NPHP3: variants seen among roughly 807,000 people sequenced by gnomAD.
NPHP3 encodes the protein nephrocystin-3.
In NPHP3, 123 loss-of-function variants were observed where a neutral mutation model predicts 171.9. That is an observed-to-expected ratio of 0.72 (90% CI 0.62 to 0.83). The LOEUF (loss-of-function observed/expected upper bound fraction) is 0.83. Ranked by LOEUF, NPHP3 falls within the 40% of genes least tolerant of loss-of-function variation. The probability of loss-of-function intolerance (pLI) is 0.00; values close to 1 mark genes in which losing one functional copy is unlikely to be tolerated. For missense variants in NPHP3, 1,506 were observed against 1,591.9 expected (o/e 0.95, Z 0.92); for synonymous variants, 558 against 579.2 (o/e 0.96, Z 0.52).
intron 2 of NPHP3, 58 bp from the exon 3 acceptor site, chr3:132,719,202 T>A: frequency 7.4e-7 from 1 of 1,358,146 alleles, no homozygotes; most frequent in Admixed American, 2.0e-5. Context: ...AGTTGTGTCA[T>A]CAACTTTAAG....
chr3:132,689,983 CT>C (rs1218443715), intron 19 of NPHP3, among the ~76,000 whole-genome samples: 3 of 152,074 alleles, frequency 2.0e-5, no homozygotes, highest in Non-Finnish European at 4.4e-5. Flanking sequence ...CCTCATGAAG[CT>C]TAGTAGGTTA....
chr3:132,689,213 TTG>T lies in NPHP3; in HGVS notation c.2742_2743del (p.Asp914GlufsTer16). ...GAAGTATTCTGTTGCCATTGCACTT[TTG>T]TCTTTGCCAACAAACTGCCAATAAC... On this transcript the variant is annotated frameshift_variant, in exon 20 of 27. Transcript: ENST00000337331. LOFTEE classifies it high-confidence loss of function. 6.2e-7 allele frequency: 1 copy of T among 1,614,204 alleles called. No homozygotes were observed. The highest frequency in any genetic ancestry group is 8.5e-7 in the Non-Finnish European group (1 of 1,179,994).
At chr3:132,704,395 A>G in intron 8 of NPHP3, 24 bp from the exon 9 acceptor site, 2 of 1,613,864 alleles carry the variant, frequency 1.2e-6, no homozygotes, top group Non-Finnish European at 1.7e-6. Flanking sequence ...ACAACCACAC[A>G]AAAATGAATG....
chr3:132,688,652 A>G lies in NPHP3; in HGVS notation c.3123T>C (p.Asn1041=), dbSNP rs979531481. The G allele has an allele frequency of 6.2e-7, 1 of 1,614,040 alleles. No homozygotes were observed. Among genetic ancestry groups the G allele is most frequent in the Admixed American group, 1.7e-5 (1 of 60,020 alleles). The part of the protein sequence containing the change: ...EALATLYQKQ[N]KYEQAEHFRK... ...ATTACTGATCTAAAAAATCTTACTTATTTTGTTTCTGGTACAAAGTTGCAA... is the reference window on the plus strand; with the variant it reads ...ATTACTGATCTAAAAAATCTTACTTGTTTTGTTTCTGGTACAAAGTTGCAA... Residue 1041 remains asparagine, a splice_region_variant and synonymous_variant, in exon 21 of 27, where the codon AAT becomes AAC. Coordinates refer to ENST00000337331, the MANE Select transcript of NPHP3 (RefSeq NM_153240.5).
chr3:132,686,514 GCATCA>G, intron 22 of NPHP3, 127 bp from the exon 23 acceptor site: 1 of 1,006,254 alleles, frequency 9.9e-7, no homozygotes, highest in Non-Finnish European at 1.5e-6. Context: ...ATTATTTTAA[GCATCA>G]CACTAAATTA....
rs781062167 is a variant in NPHP3, at chr3:132,708,070, T to C, written c.1275+31A>G. 27 of 1,610,556 alleles carry C rather than the reference T, an allele frequency of 1.7e-5. No individual in the cohort carries two copies. The East Asian group carries it at 5.6e-4, about 33-fold the overall frequency. ...TGCTCCAGTTTTTCCCTCAGCTAAGTGTGTTTTTCAAAAATGCCTATGAAT... is the reference window on the plus strand; with the variant it reads ...TGCTCCAGTTTTTCCCTCAGCTAAGCGTGTTTTTCAAAAATGCCTATGAAT... On this transcript the variant is annotated intron_variant, in intron 7 of 26. Coordinates refer to ENST00000337331, the MANE Select transcript of NPHP3 (RefSeq NM_153240.5).
At chr3:132,682,264 A>G in intron 26 of NPHP3, 174 bp from the exon 27 acceptor site, 1 of 634,302 alleles carries the variant, frequency 1.6e-6, no homozygotes. Flanking sequence ...TCTCCTTTCT[A>G]CCAGTATCAG....
chr3:132,703,450 T>G (rs1424918829), intron 9 of NPHP3, among the ~76,000 whole-genome samples: 1 of 152,242 alleles, frequency 6.6e-6, no homozygotes, highest in Non-Finnish European at 1.5e-5. Flanking sequence ...TTGATAAGAC[T>G]GATAAAGAAG....
intron 4 of NPHP3, among the ~76,000 whole-genome samples, chr3:132,716,032 T>C (rs951625526): frequency 2.2e-5 from 2 of 93,004 alleles, no homozygotes; most frequent in East Asian, 1.2e-3. Context: ...CCAGGATGGC[T>C]TTGCAGCCCA....
chr3:132,707,291 C>T (rs1939780537), intron 7 of NPHP3, among the ~76,000 whole-genome samples: 1 of 151,924 alleles, frequency 6.6e-6, no homozygotes, highest in Admixed American at 6.6e-5. Context: ...AATAAGTCCC[C>T]ATCTCTATAA....
intron 8 of NPHP3, 74 bp from the exon 9 acceptor site, chr3:132,704,445 A>C: frequency 6.4e-7 from 1 of 1,553,158 alleles, no homozygotes; most frequent in Non-Finnish European, 8.9e-7. Flanking sequence ...CCCAGGCCCA[A>C]AGTGGGCTTC....
rs549199211 is a variant in NPHP3 at position 132,709,359 on chromosome 3, C to G, written c.1119-1102G>C. 4.1e-5 allele frequency among the ~76,000 whole-genome samples: 6 copies of G among 147,728 alleles called. No homozygotes were observed. The East Asian group carries it at 1.2e-3, about 30-fold the overall frequency. On this transcript the variant is annotated intron_variant, in intron 6 of 26. Transcript: ENST00000337331. ...GTGCAGTGGTGCAATCACAGCTCAC[C>G]GCAGCTTTAACCTCCTGGGCTCAAG...
intron 17 of NPHP3, among the ~76,000 whole-genome samples, 168 bp downstream of exon 17, chr3:132,692,486 T>G (rs1467262501): frequency 1.3e-5 from 2 of 152,206 alleles, no homozygotes; most frequent in African/African-American, 4.8e-5. Context: ...CTTAATAAAT[T>G]TTTAAGTGTA....
chr3:132,702,495 A>C (rs1200123072), intron 9 of NPHP3, among the ~76,000 whole-genome samples: 1 of 152,190 alleles, frequency 6.6e-6, no homozygotes, highest in East Asian at 1.9e-4. Flanking sequence ...ACACTCAAAA[A>C]CCAAAATATC....
Position 132,722,401 on chromosome 3 carries a change from C to A in NPHP3, c.-46G>T. On this transcript the variant is annotated 5_prime_UTR_variant, in exon 1 of 27. Transcript: ENST00000337331. ...CCTAGTGAGTACCAGCAGGACTGGG[C>A]AGCGGAACGGAACGGGACGGGGTGG... The A allele has an allele frequency of 1.9e-6, 3 of 1,545,836 alleles. No homozygotes were observed. Among genetic ancestry groups the A allele is most frequent in the Admixed American group, 1.8e-5 (1 of 54,530 alleles).
chr3:132,720,406 T>G (rs1940175302), intron 1 of NPHP3, among the ~76,000 whole-genome samples: 3 of 152,226 alleles, frequency 2.0e-5, no homozygotes. Flanking sequence ...CAACCCTTAT[T>G]GCACTCCGCC....
At chr3:132,714,989 G>GAA in intron 5 of NPHP3, 96 bp downstream of exon 5, 2 of 1,008,724 alleles carry the variant, frequency 2.0e-6, no homozygotes, top group Non-Finnish European at 3.0e-6. Context: ...AATCTAGTAG[G>GAA]AAACTATTTG....
rs753458157 is a variant in NPHP3 at position 132,722,169 on chromosome 3, C to T, written c.187G>A (p.Gly63Arg). 2.0e-5 allele frequency: 32 copies of T among 1,563,476 alleles called. No individual in the cohort carries two copies. The highest frequency in any genetic ancestry group is 2.8e-5 in the Non-Finnish European group (32 of 1,162,542). ...CCCAGCAGCCCGCCCGCGCCCACCC[C>T]GCGGGGCAGCGACCCGGGCCCGGCC... is the stretch of plus-strand genomic sequence containing the variant. ...AGAGPGSLPRGVGAGGLLGAS... is the reference protein window; with the variant it reads ...AGAGPGSLPRRVGAGGLLGAS... Residue 63 changes from glycine to arginine, a missense_variant, in exon 1 of 27, where the codon GGG becomes AGG. Transcript: ENST00000337331.
At chr3:132,714,787 T>C (rs1003743549) in intron 5 of NPHP3, among the ~76,000 whole-genome samples, 1 of 152,166 alleles carries the variant, frequency 6.6e-6, no homozygotes, top group African/African-American at 2.4e-5. Flanking sequence ...ACACCTTAGT[T>C]TGACATTTAA....
Sources: gnomAD v4.1 joint callset for allele counts (sites outside exome capture counted in the v4.1 genomes callset) on GRCh38, gnomAD v4.1.1 for gene constraint, MANE v1.5 for transcripts, NCBI Gene and HGNC (gene_info 2026-07-23, HGNC 2026-07-21) for gene names.